The following GLT8D2 variants were observed in gnomAD, a reference collection of about 807,000 sequenced individuals.
GLT8D2 encodes glycosyltransferase 8 domain-containing protein 2.
In GLT8D2, 45 loss-of-function variants were observed where a neutral mutation model predicts 44.5. The ratio of observed to expected loss-of-function variants is 1.01; its 90% CI spans 0.80 to 1.30. GLT8D2 has a LOEUF of 1.30. Among genes scored for constraint, GLT8D2 ranks in the 50% most tolerant of loss-of-function variants. The probability of loss-of-function intolerance (pLI) is 0.00; values close to 1 mark genes in which losing one functional copy is unlikely to be tolerated. For missense variants in GLT8D2, 400 were observed against 430.4 expected (o/e 0.93, Z 0.62); for synonymous variants, 156 against 157.2 (o/e 0.99, Z 0.06).
At chr12:104,001,674 C>T in intron 5 of GLT8D2, among the ~76,000 whole-genome samples, 1 of 147,052 alleles carries the variant, frequency 6.8e-6, no homozygotes, top group East Asian at 1.9e-4. Context: ...ATTAATAACA[C>T]AGAAAAACTT....
In GLT8D2 at chr12:104,062,419, TTAGA is replaced by T. The variant is rs1171394171; in HGVS notation, c.-423+1526_-423+1529del. On this transcript the variant is annotated intron_variant, in intron 1 of 10. Transcript: ENST00000548660. ...TAGAGAGTTATCTCTCAAAAAAAGC[TTAGA>T]TAGATGAGAAGGTGGAGAAGCATGC... 2.6e-5 allele frequency among the ~76,000 whole-genome samples: 4 copies of T among 151,918 alleles called. No homozygotes were observed. The East Asian group carries it at 7.8e-4, about 30-fold the overall frequency.
chr12:103,993,824 A>C (rs1462929205), intron 9 of GLT8D2: 7 of 226,958 alleles, frequency 3.1e-5, no homozygotes, highest in Non-Finnish European at 6.0e-5. Flanking sequence ...TGCAAATTCA[A>C]GGTTATGATG....
intron 1 of GLT8D2, among the ~76,000 whole-genome samples, chr12:104,021,897 GAAGAA>G: frequency 9.4e-5 from 1 of 10,588 alleles, no homozygotes; most frequent in East Asian, 0.056. Flanking sequence ...AGAAGAAGAA[GAAGAA>G]GAAGAAGAAG....
chr12:104,051,399 CATAAT>C (rs1881713516), upstream of GLT8D2, among the ~76,000 whole-genome samples: 1 of 152,140 alleles, frequency 6.6e-6, no homozygotes, highest in Non-Finnish European at 1.5e-5. Flanking sequence ...CATTTCAACA[CATAAT>C]ATAAAACATT....
chr12:104,016,939 A>G (rs577547593), intron 3 of GLT8D2, among the ~76,000 whole-genome samples: 1 of 152,304 alleles, frequency 6.6e-6, no homozygotes, highest in South Asian at 2.1e-4. Flanking sequence ...GCCCTGGTAA[A>G]CAGAAGACCT....
chr12:104,015,428 AC>A (rs1876445189), intron 3 of GLT8D2, among the ~76,000 whole-genome samples: 2 of 151,082 alleles, frequency 1.3e-5, no homozygotes, highest in Admixed American at 6.6e-5. Flanking sequence ...ACACACACAC[AC>A]ACACACAAAT....
chr12:104,013,543 C>G (rs2136336858), intron 4 of GLT8D2, among the ~76,000 whole-genome samples: 1 of 152,236 alleles, frequency 6.6e-6, no homozygotes, highest in East Asian at 1.9e-4. Context: ...GAAAATCATT[C>G]TCTTTGCAGA....
upstream of GLT8D2, among the ~76,000 whole-genome samples, chr12:104,053,140 A>T (rs1457687618): frequency 6.6e-6 from 1 of 152,190 alleles, no homozygotes; most frequent in Non-Finnish European, 1.5e-5. Context: ...CCCAGGCATC[A>T]TGTGGACAGC....
intron 3 of GLT8D2, among the ~76,000 whole-genome samples, chr12:104,017,108 T>C (rs1391975386): frequency 2.0e-5 from 3 of 152,214 alleles, no homozygotes; most frequent in Non-Finnish European, 2.9e-5. Flanking sequence ...ATAGCATTAA[T>C]ATTTAATCAG....
At chr12:104,009,258 T>C (rs1367869552) in intron 4 of GLT8D2, among the ~76,000 whole-genome samples, 2 of 152,150 alleles carry the variant, frequency 1.3e-5, no homozygotes, top group Admixed American at 6.5e-5. Context: ...CCCAAGACCA[T>C]GGGAACCCAC....
At chr12:104,054,540 A>G (rs1566216772), upstream of GLT8D2, among the ~76,000 whole-genome samples, 2 of 151,740 alleles carry the variant, frequency 1.3e-5, no homozygotes, top group African/African-American at 2.4e-5. Flanking sequence ...CCATTGAAAT[A>G]CTGATTTTAT....
At chr12:104,036,943 C>T (rs1407283948) in intron 1 of GLT8D2, among the ~76,000 whole-genome samples, 1 of 152,150 alleles carries the variant, frequency 6.6e-6, no homozygotes, top group Non-Finnish European at 1.5e-5. Flanking sequence ...TGTAAAAGAA[C>T]AGAAATCACA....
At chr12:104,015,306 G>A (rs1003598679) in intron 3 of GLT8D2, among the ~76,000 whole-genome samples, 1 of 151,898 alleles carries the variant, frequency 6.6e-6, no homozygotes, top group African/African-American at 2.4e-5. Context: ...CCAGTACTTT[G>A]GGAGGCCAAG....
intron 1 of GLT8D2, among the ~76,000 whole-genome samples, chr12:104,028,074 G>C (rs1414830749): frequency 3.3e-5 from 5 of 152,204 alleles, no homozygotes. Flanking sequence ...CCCGTCCAGT[G>C]TGTTGCCAAC....
chr12:104,046,113 T>C (rs1881122876), intron 1 of GLT8D2, among the ~76,000 whole-genome samples: 1 of 152,144 alleles, frequency 6.6e-6, no homozygotes, highest in Non-Finnish European at 1.5e-5. Flanking sequence ...GAGAGCTGTG[T>C]AGGTTAGTGG....
intron 1 of GLT8D2, among the ~76,000 whole-genome samples, chr12:104,046,812 ATAGAACAGGTGTCTTACTCCATT>A (rs1593573027): frequency 1.3e-5 from 2 of 152,110 alleles, no homozygotes; most frequent in African/African-American, 2.4e-5. Flanking sequence ...ACCAAGATAC[ATAGAACAGGTGTCTTACTCCATT>A]TTTTTTTTTG....
At chr12:103,995,416 G>C (rs1451786959) in intron 8 of GLT8D2, among the ~76,000 whole-genome samples, 4 of 152,206 alleles carry the variant, frequency 2.6e-5, no homozygotes, top group Admixed American at 2.6e-4. Flanking sequence ...CTTTACACTT[G>C]TTCTTCCCGC....
intron 1 of GLT8D2, among the ~76,000 whole-genome samples, chr12:104,048,588 AAGAC>A (rs1343307075): frequency 6.6e-6 from 1 of 152,226 alleles, no homozygotes; most frequent in Non-Finnish European, 1.5e-5. Context: ...GAAATAATGA[AAGAC>A]AGAATGGGAA....
At chr12:103,996,897 G>T in intron 7 of GLT8D2, 50 bp from the exon 8 acceptor site, 1 of 1,300,916 alleles carries the variant, frequency 7.7e-7, no homozygotes, top group Non-Finnish European at 1.1e-6. Context: ...TTGTTTTTGG[G>T]CTAGATAGAG....
Sources: allele counts gnomAD v4.1 joint callset (sites outside exome capture counted in the v4.1 genomes callset), GRCh38; gene constraint gnomAD v4.1.1; transcripts MANE v1.5; gene names NCBI Gene and HGNC (gene_info 2026-07-23, HGNC 2026-07-21).